MAML3: variants seen among roughly 807,000 people sequenced by gnomAD.
MAML3 encodes mastermind-like protein 3.
A neutral mutation model predicts 101.9 loss-of-function variants in MAML3; 27 were observed. The ratio of observed to expected loss-of-function variants is 0.27; its 90% CI spans 0.20 to 0.37. MAML3 has a LOEUF of 0.37. Among genes scored for constraint, MAML3 ranks in the 10% least tolerant of loss-of-function variants. MAML3 has a pLI of 1.00. For missense variants in MAML3, 1,316 were observed against 1,444.9 expected, an observed-to-expected ratio of 0.91 and a Z score of 1.45; for synonymous variants, 501 against 555.9, an observed-to-expected ratio of 0.90 and a Z score of 1.39.
intron 2 of MAML3, among the ~76,000 whole-genome samples, chr4:139,838,495 T>G (rs1731300947): frequency 6.6e-6 from 1 of 152,150 alleles, no homozygotes; most frequent in Admixed American, 6.5e-5. Flanking sequence ...CTGCTTTGTT[T>G]AGTTTGAGGA....
chr4:139,744,552 G>A (rs914138044), intron 2 of MAML3, among the ~76,000 whole-genome samples: 2 of 152,166 alleles, frequency 1.3e-5, no homozygotes, highest in African/African-American at 2.4e-5. Context: ...AATGTGTGGC[G>A]TGTATATTTT....
intron 1 of MAML3, among the ~76,000 whole-genome samples, chr4:140,047,780 C>A (rs1418517565): frequency 7.2e-6 from 1 of 139,362 alleles, no homozygotes; most frequent in Non-Finnish European, 1.5e-5. Context: ...CATTTGGATA[C>A]CTGTAAATAG....
intron 2 of MAML3, among the ~76,000 whole-genome samples, chr4:139,803,844 A>G (rs1293310827): frequency 6.6e-6 from 1 of 152,168 alleles, no homozygotes; most frequent in Admixed American, 6.5e-5. Context: ...AGAGTTGAAG[A>G]TCTTGCCCAA....
chr4:139,998,160 A>T (rs1333501415), intron 1 of MAML3, among the ~76,000 whole-genome samples: 1 of 152,138 alleles, frequency 6.6e-6, no homozygotes, highest in Non-Finnish European at 1.5e-5. Flanking sequence ...TTGTTTCACA[A>T]GTCTCTCAGG....
At chr4:139,800,666 C>T (rs990888941) in intron 2 of MAML3, among the ~76,000 whole-genome samples, 3 of 152,090 alleles carry the variant, frequency 2.0e-5, no homozygotes, top group Non-Finnish European at 2.9e-5. Flanking sequence ...GAAAGGCCTC[C>T]GATTTGTTTT....
chr4:140,138,650 C>T (rs1728935576), intron 1 of MAML3, among the ~76,000 whole-genome samples: 1 of 152,044 alleles, frequency 6.6e-6, no homozygotes, highest in Non-Finnish European at 1.5e-5. Context: ...CCACTGCTAT[C>T]GCCACACACT....
At chr4:140,104,112 G>A (rs1306097224) in intron 1 of MAML3, among the ~76,000 whole-genome samples, 1 of 142,932 alleles carries the variant, frequency 7.0e-6, no homozygotes, top group African/African-American at 2.5e-5. Context: ...AAGAACAAAT[G>A]TAGTGGCTCA....
chr4:139,761,385 G>GC (rs763993522), intron 2 of MAML3, among the ~76,000 whole-genome samples: 2 of 142,454 alleles, frequency 1.4e-5, no homozygotes, highest in Non-Finnish European at 3.2e-5. Context: ...AAGAGAGTCT[G>GC]GAGGGGGCGT....
At chr4:140,152,814 A>ACCCCCC in intron 1 of MAML3, 46 bp downstream of exon 1, 1 of 1,524,660 alleles carries the variant, frequency 6.6e-7, no homozygotes, top group South Asian at 1.3e-5. Context: ...CACCACCACC[A>ACCCCCC]CCACCCCCAA....
At chr4:140,091,539 AAAACAAAAC>A (rs1728049947) in intron 1 of MAML3, among the ~76,000 whole-genome samples, 1 of 128,260 alleles carries the variant, frequency 7.8e-6, no homozygotes, top group Admixed American at 7.6e-5. Context: ...CAACAAAACA[AAAACAAAAC>A]AAAAAAAAAA....
chr4:139,977,283 C>T lies in MAML3; in HGVS notation c.469-86316G>A, dbSNP rs1013113554. Among the ~76,000 whole-genome samples the T allele has an allele frequency of 4.6e-5, 7 of 152,080 alleles. No individual in the cohort carries two copies. The East Asian group carries it at 1.3e-3, about 29-fold the overall frequency. ...CAAATGGACTAGGGATGCTGCTGAACATCCCAGAGTACGCAGGACGGCCCC... is the reference window on the plus strand; with the variant it reads ...CAAATGGACTAGGGATGCTGCTGAATATCCCAGAGTACGCAGGACGGCCCC... On this transcript the variant is annotated intron_variant, in intron 1 of 4. Coordinates refer to ENST00000509479, the MANE Select transcript of MAML3 (RefSeq NM_018717.5).
At chr4:140,056,330 C>T (rs985589515) in intron 1 of MAML3, among the ~76,000 whole-genome samples, 3 of 151,890 alleles carry the variant, frequency 2.0e-5, no homozygotes, top group Admixed American at 2.0e-4. Flanking sequence ...ACAGCATGCC[C>T]TCAGCTAATC....
intron 1 of MAML3, among the ~76,000 whole-genome samples, chr4:139,981,245 GTTTCT>G (rs1010054629): frequency 6.6e-5 from 10 of 152,262 alleles, no homozygotes; most frequent in African/African-American, 2.4e-4. Context: ...ACACCCCGGT[GTTTCT>G]TTTCTTTTAA....
chr4:139,781,773 T>C (rs1163493558), intron 2 of MAML3, among the ~76,000 whole-genome samples: 2 of 152,160 alleles, frequency 1.3e-5, no homozygotes, highest in East Asian at 3.8e-4. Flanking sequence ...CAGCCATCTA[T>C]TCATGGTGAT....
In MAML3 at chr4:139,998,100, T is replaced by C. The variant is rs140480949; in HGVS notation, c.469-107133A>G. On this transcript the variant is annotated intron_variant, in intron 1 of 4. Transcript: ENST00000509479. ...TCAAATATTTTCCTGCTCCTTTCTC[T>C]GTCTTCTCATTCTAGGATTCCCATT... Among the ~76,000 whole-genome samples the C allele has an allele frequency of 2.0e-4, 30 of 152,300 alleles. No homozygotes were observed. In the South Asian group the frequency reaches 5.6e-3, roughly 28 times the overall value.
chr4:140,142,019 ATAAG>A (rs955944290), intron 1 of MAML3, among the ~76,000 whole-genome samples: 3 of 152,254 alleles, frequency 2.0e-5, no homozygotes, highest in African/African-American at 7.2e-5. Flanking sequence ...TTAGCAAAAA[ATAAG>A]AAACCACCAA....
intron 1 of MAML3, among the ~76,000 whole-genome samples, chr4:139,979,477 C>T (rs548872118): frequency 5.4e-4 from 83 of 152,302 alleles, no homozygotes; most frequent in African/African-American, 1.9e-3. Flanking sequence ...GCTGCTTTAG[C>T]TCTATCCATG....
chr4:139,889,334 G>A, intron 2 of MAML3, 23 bp downstream of exon 2: 2 of 1,614,030 alleles, frequency 1.2e-6, no homozygotes, highest in Non-Finnish European at 1.7e-6. Flanking sequence ...ACTGCTCGAA[G>A]AGTGTGTCAC....
chr4:139,889,905 G>A lies in MAML3; in HGVS notation c.1531C>T (p.His511Tyr). 6.3e-7 allele frequency: 1 copy of A among 1,595,366 alleles called. No homozygotes were observed. The highest frequency in any genetic ancestry group is 8.5e-7 in the Non-Finnish European group (1 of 1,173,740). The stretch of plus-strand genomic sequence containing the variant: ...GACCAATTTGAAGTCTGATTTGAGT[G>A]CTGTTGCTGCTGCTGCTGCTGCTGC... The part of the protein sequence containing the change: ...QQQQQQQQQQ[H>Y]SNQTSNWSPL... The change falls in exon 2 of 5, where the codon CAC (histidine) becomes TAC (tyrosine). Residue 511 changes from histidine to tyrosine, a missense_variant. Physicochemically the swap from His to Tyr is moderately conservative, Grantham distance 83. Coordinates refer to ENST00000509479, the MANE Select transcript of MAML3 (RefSeq NM_018717.5).
Sources: allele counts gnomAD v4.1 joint callset (sites outside exome capture counted in the v4.1 genomes callset), GRCh38; gene constraint gnomAD v4.1.1; transcripts MANE v1.5; gene names NCBI Gene and HGNC (gene_info 2026-07-23, HGNC 2026-07-21).